ALS2: variants seen among roughly 807,000 people sequenced by gnomAD.
The protein encoded by ALS2 is alsin.
Under a neutral mutation model 203.4 loss-of-function variants are expected in ALS2, and 117 were observed. The observed-to-expected ratio is 0.58, with a 90% CI of 0.50 to 0.67. ALS2 has a LOEUF of 0.67. ALS2 is among the 30% of genes least tolerant of loss of function. The pLI, the probability that ALS2 is intolerant of heterozygous loss-of-function variation, is 0.00. For synonymous variants in ALS2, 718 were observed against 725.9 expected (o/e 0.99, Z 0.17); for missense variants, 1,715 against 1,989.4 (o/e 0.86, Z 2.62).
At chr2:201,752,571 C>A (rs1693130747) in intron 7 of ALS2, among the ~76,000 whole-genome samples, 1 of 151,902 alleles carries the variant, frequency 6.6e-6, no homozygotes, top group South Asian at 2.1e-4. Context: ...GGCTTCGAAT[C>A]CTTTATTGGC....
intron 28 of ALS2, among the ~76,000 whole-genome samples, chr2:201,707,481 C>T (rs1384002175): frequency 3.3e-5 from 5 of 151,436 alleles, no homozygotes; most frequent in African/African-American, 7.3e-5. Context: ...CAGGCTGGAG[C>T]GCAATGGTGC....
At chr2:201,754,451 A>G in intron 6 of ALS2, 52 bp downstream of exon 6, 1 of 1,609,186 alleles carries the variant, frequency 6.2e-7, no homozygotes, top group South Asian at 1.1e-5. Flanking sequence ...TTCCCAGGAG[A>G]GAGATTATTT....
intron 23 of ALS2, among the ~76,000 whole-genome samples, chr2:201,718,849 T>C (rs960060779): frequency 2.6e-5 from 4 of 152,160 alleles, no homozygotes; most frequent in African/African-American, 9.7e-5. Context: ...ACACCTATCT[T>C]TTCAGGAAGT....
intron 1 of ALS2, among the ~76,000 whole-genome samples, chr2:201,776,039 CG>C (rs1694644984): frequency 6.6e-6 from 1 of 152,098 alleles, no homozygotes; most frequent in Non-Finnish European, 1.5e-5. Flanking sequence ...CAGACTTCCA[CG>C]CTATAGATTT....
In ALS2 at chr2:201,744,296, T is replaced by A. The variant is rs1692484505; in HGVS notation, c.2132A>T (p.Asp711Val). Reference protein sequence around the residue: ...TERRFYSKLSDIKSQILRPLL... With the variant: ...TERRFYSKLSVIKSQILRPLL... ...AGGCCTGAGAATCTGAGATTTGATA[T>A]CACTTAGTTTTGAATAGAATCGTCT... is the stretch of plus-strand genomic sequence containing the variant. The change falls in exon 10 of 34, where the codon GAT becomes GTT. Residue 711 changes from aspartate (D) to valine (V), a missense_variant. Coordinates refer to ENST00000264276, the MANE Select transcript of ALS2 (RefSeq NM_020919.4). 1.9e-6 allele frequency: 3 copies of A among 1,614,150 alleles called. No homozygotes were observed. The highest frequency in any genetic ancestry group is 1.7e-6 in the Non-Finnish European group (2 of 1,180,024).
chr2:201,761,749 G>A lies in ALS2; in HGVS notation c.245C>T (p.Pro82Leu). The A allele has an allele frequency of 6.2e-7, 1 of 1,613,794 alleles. No individual in the cohort carries two copies. The highest frequency in any genetic ancestry group is 8.5e-7 in the Non-Finnish European group (1 of 1,179,990). The change falls in exon 4 of 34, where the codon CCC becomes CTC. Residue 82 changes from proline (P) to leucine (L), a missense_variant. Transcript: ENST00000264276. ...CCCAACCAGGGCATTTTCTAGAATG[G>A]GGCTACTTGGACAAATCTCCACTGG... ...SGPVEICPSSPILENALVGQY... is the reference protein window; with the variant it reads ...SGPVEICPSSLILENALVGQY...
At chr2:201,727,625 T>G in intron 16 of ALS2, 80 bp downstream of exon 16, 1 of 1,293,218 alleles carries the variant, frequency 7.7e-7, no homozygotes, top group Non-Finnish European at 1.1e-6. Context: ...GAAGCCTTCC[T>G]GAGCTTTTTT....
At chr2:201,771,562 A>G (rs967503535) in intron 1 of ALS2, among the ~76,000 whole-genome samples, 2 of 152,192 alleles carry the variant, frequency 1.3e-5, no homozygotes, top group African/African-American at 4.8e-5. Context: ...TACCAACTCT[A>G]TTTAATCTAA....
intron 29 of ALS2, 120 bp downstream of exon 29, chr2:201,706,726 T>C (rs1261801335): frequency 3.0e-6 from 3 of 995,414 alleles, no homozygotes; most frequent in African/African-American, 3.3e-5. Context: ...AAAGAAGACA[T>C]ATGCAAAAAA....
At chr2:201,738,817 T>A (rs560416251) in intron 11 of ALS2, 82 bp from the exon 12 acceptor site, 44 of 1,170,320 alleles carry the variant, frequency 3.8e-5, no homozygotes, top group Non-Finnish European at 5.3e-5. Flanking sequence ...CTGGAATAGA[T>A]AATTCTTGAT....
At chr2:201,748,467 C>T (rs868091509) in intron 8 of ALS2, among the ~76,000 whole-genome samples, 2 of 152,152 alleles carry the variant, frequency 1.3e-5, no homozygotes, top group African/African-American at 4.8e-5. Flanking sequence ...AAAAACCAAG[C>T]TCCCAATGAT....
rs180758472 is a variant in ALS2 at position 201,707,873 on chromosome 2, G to C, written c.4399C>G (p.Pro1467Ala). The C allele has an allele frequency of 6.2e-7, 1 of 1,613,128 alleles. No homozygotes were observed. Among genetic ancestry groups the C allele is most frequent in the Non-Finnish European group, 8.5e-7 (1 of 1,179,426 alleles). ...TCCCCACCCAACTCCATTTACCCTG[G>C]CTCTGGTGATTCAGATCGGGAATCT... ...KSDSRSESPE[P>A]GYVVTSSGLL... The change falls in exon 28 of 34, where the codon CCA becomes GCA. Residue 1467 changes from proline (P) to alanine (A), a missense_variant. Pro to Ala is a conservative substitution (Grantham distance 27, BLOSUM62 -1). This residue lies in a region of ALS2 where 1,227 missense variants were observed against 1,413.5 expected (regional missense o/e 0.87). Transcript: ENST00000264276.
chr2:201,768,984 A>T, intron 1 of ALS2, 39 bp from the exon 2 acceptor site: 1 of 1,077,398 alleles, frequency 9.3e-7, no homozygotes, highest in Non-Finnish European at 1.4e-6. Flanking sequence ...GTAAAAGAAT[A>T]TTTTACCCCT....
At chr2:201,706,772 T>A in intron 29 of ALS2, 74 bp downstream of exon 29, 1 of 1,530,010 alleles carries the variant, frequency 6.5e-7, no homozygotes. Flanking sequence ...GATATCAAAG[T>A]GCCAAATTTC....
rs748028588 is a variant in ALS2, at chr2:201,746,686, C to A, written c.1878G>T (p.Val626=). The A allele has an allele frequency of 6.2e-7, 1 of 1,614,116 alleles. No homozygotes were observed. The highest frequency in any genetic ancestry group is 1.1e-5 in the South Asian group (1 of 91,080). ...ACCCAGGCTGGAAGTCTTCTGTATC[C>A]ACTAAAAACAGGGAATAATCCCTGC... The part of the protein sequence containing the change: ...AAGRDYSLFL[V]DTEDFQPGLY... The change falls in exon 9 of 34, where the codon GTG becomes GTT. Residue 626 remains valine, a synonymous_variant. Coordinates refer to ENST00000264276, the MANE Select transcript of ALS2 (RefSeq NM_020919.4).
chr2:201,770,921 C>G (rs1456031549), intron 1 of ALS2, among the ~76,000 whole-genome samples: 1 of 152,090 alleles, frequency 6.6e-6, no homozygotes, highest in Non-Finnish European at 1.5e-5. Context: ...GCCCACAGAA[C>G]TTGAAGATAA....
At chr2:201,729,250 C>A in intron 13 of ALS2, 67 bp from the exon 14 acceptor site, 3 of 1,530,604 alleles carry the variant, frequency 2.0e-6, no homozygotes, top group Non-Finnish European at 2.7e-6. Context: ...GAATCTGTAG[C>A]CTCAGTCTGC....
At position 201,705,300 on chromosome 2, in the gene ALS2, A is replaced by T. The variant is rs1422551168; in HGVS notation, c.4627-100T>A. ...GAGTGCAGGTCTTTGGTAATAACAG[A>T]TGCAAACACAAGCTTGGGTACTGTT... On this transcript the variant is annotated intron_variant, in intron 30 of 33. Coordinates refer to ENST00000264276, the MANE Select transcript of ALS2 (RefSeq NM_020919.4). 4.1e-6 allele frequency: 6 copies of T among 1,459,758 alleles called. No individual in the cohort carries two copies. In the African/African-American group the frequency reaches 5.6e-5, roughly 14 times the overall value. The allele number at this position is 1,459,758 out of a possible 1,614,324, so 90.4% of individuals were successfully genotyped here. A position where few individuals can be genotyped will look rare whatever the true frequency, so the allele number is the denominator to read the frequency against.
chr2:201,714,138 T>TA lies in ALS2; in HGVS notation c.4004+1533dup, dbSNP rs1242827442. ...CTCTATTTATAAAAATGAAATAAAA[T>TA]AAAAAAGAACCTGCTTATAAGGTTG... is the stretch of plus-strand genomic sequence containing the variant. On this transcript the variant is annotated intron_variant, in intron 25 of 33. Transcript: ENST00000264276. Among the ~76,000 whole-genome samples, 4 of 152,122 alleles carry TA rather than the reference T, an allele frequency of 2.6e-5. No individual in the cohort carries two copies. In the East Asian group the frequency reaches 7.7e-4, roughly 29 times the overall value.
Sources: allele counts gnomAD v4.1 joint callset (sites outside exome capture counted in the v4.1 genomes callset), GRCh38; gene constraint gnomAD v4.1.1; regional missense constraint gnomAD v4.1.1; transcripts MANE v1.5; gene names NCBI Gene and HGNC (gene_info 2026-07-23, HGNC 2026-07-21).